TBL2: variants seen among roughly 807,000 people sequenced by gnomAD.
TBL2 encodes transducin beta-like protein 2.
A neutral mutation model predicts 41.8 loss-of-function variants in TBL2; 33 were observed. The observed-to-expected ratio is 0.79, with a 90% confidence interval of 0.60 to 1.06. TBL2 has a LOEUF of 1.06. TBL2 is among the 50% of genes least tolerant of loss of function. TBL2 has a pLI of 0.00. For missense variants in TBL2, 522 were observed against 603.8 expected (o/e 0.86, Z 1.42); for synonymous variants, 239 against 241.7 (o/e 0.99, Z 0.10).
Position 73,573,970 on chromosome 7 carries a change from G to A in TBL2, c.414C>T (p.His138=), listed in dbSNP as rs369863389. 2.5e-5 allele frequency: 40 copies of A among 1,613,868 alleles called. No homozygotes were observed. The highest frequency in any genetic ancestry group is 1.3e-4 in the African/African-American group (10 of 74,936). Residue 138 remains histidine, a synonymous_variant, in exon 3 of 7, where the codon CAC becomes CAT. Coordinates refer to ENST00000305632, the MANE Select transcript of TBL2 (RefSeq NM_012453.4). The part of the protein sequence containing the change: ...RSMRANVELD[H]ATLVRFSPDC... The stretch of plus-strand genomic sequence containing the variant: ...CAGGGCTGAAGCGCACCAGGGTGGC[G>A]TGGTCCAGCTCCACGTTGGCTCTCA...
At position 73,578,466 on chromosome 7, in the gene TBL2, C is replaced by T. The variant is rs782327430; in HGVS notation, c.84G>A (p.Ala28=). The change falls in exon 1 of 7, where the codon GCG becomes GCA. Residue 28 remains alanine, a synonymous_variant. Coordinates refer to ENST00000305632, the MANE Select transcript of TBL2 (RefSeq NM_012453.4). The stretch of plus-strand genomic sequence containing the variant: ...CCTCCCCCGCGCGCAGCCACCCCCG[C>T]GCTACCGCCGCCGTCGCCATCAGGG... ...LLALMATAAV[A]RGWLRAGEER... is the part of the protein sequence containing the mutation. The T allele has an allele frequency of 6.4e-7, 1 of 1,566,284 alleles. No individual in the cohort carries two copies. The highest frequency in any genetic ancestry group is 1.2e-5 in the South Asian group (1 of 85,828).
At position 73,578,364 on chromosome 7, in the gene TBL2, G is replaced by A. The variant is rs1793471496; in HGVS notation, c.130+56C>T. 6 of 1,527,130 alleles carry A rather than the reference G, an allele frequency of 3.9e-6. No homozygotes were observed. The South Asian group carries it at 4.9e-5, about 12-fold the overall frequency. The allele number at this position is 1,527,130 out of a possible 1,614,324, so 94.6% of individuals were successfully genotyped here. A position where few individuals can be genotyped will look rare whatever the true frequency, so the allele number is the denominator to read the frequency against. ...GCCCAAACCGCAGGTCGGACCACGAGGAGGCCGGGAGCCGGGACACCGCGG... is the reference window on the plus strand; with the variant it reads ...GCCCAAACCGCAGGTCGGACCACGAAGAGGCCGGGAGCCGGGACACCGCGG... On this transcript the variant is annotated intron_variant, in intron 1 of 6. Transcript: ENST00000305632.
At chr7:73,576,287 C>T (rs1219742149) in intron 1 of TBL2, among the ~76,000 whole-genome samples, 2 of 151,724 alleles carry the variant, frequency 1.3e-5, no homozygotes, top group Non-Finnish European at 2.9e-5. Flanking sequence ...CCCGCTTCGG[C>T]CTCCCAAAGT....
intron 5 of TBL2, among the ~76,000 whole-genome samples, chr7:73,572,503 C>A (rs1793021008): frequency 6.6e-6 from 1 of 152,188 alleles, no homozygotes; most frequent in Non-Finnish European, 1.5e-5. Context: ...TGCCTATAGT[C>A]CTGACTACTC....
At chr7:73,578,178 G>T in intron 1 of TBL2, 1 of 1,437,490 alleles carries the variant, frequency 7.0e-7, no homozygotes, top group South Asian at 1.3e-5. Context: ...GCCTGGCCTC[G>T]GCCACAGAGA....
rs115967804 is a variant in TBL2, at chr7:73,568,582, C to T, written c.*1925G>A. On this transcript the variant is annotated 3_prime_UTR_variant, in exon 7 of 7. Transcript: ENST00000305632. Reference sequence around the variant, plus strand: ...ACATTCATAGCATTTAGAGGGGGGACGAAGCCAGGTTACACAGGACCTTGC... The same window carrying T: ...ACATTCATAGCATTTAGAGGGGGGATGAAGCCAGGTTACACAGGACCTTGC... Among the ~76,000 whole-genome samples the T allele has an allele frequency of 6.7e-3, 1,018 of 152,142 alleles. 15 individuals carry two copies. The highest frequency in any genetic ancestry group is 0.023 in the African/African-American group (949 of 41,498).
chr7:73,573,257 G>C, intron 4 of TBL2, 63 bp downstream of exon 4: 1 of 1,593,944 alleles, frequency 6.3e-7, no homozygotes, highest in African/African-American at 1.3e-5. Context: ...AACTCATTGA[G>C]GAAATAGAAC....
At chr7:73,575,202 T>A (rs1458732219) in intron 1 of TBL2, among the ~76,000 whole-genome samples, 1 of 152,004 alleles carries the variant, frequency 6.6e-6, no homozygotes, top group Non-Finnish European at 1.5e-5. Flanking sequence ...CTCCGCTCAC[T>A]GTAGCCTCTG....
intron 5 of TBL2, chr7:73,571,759 C>CAA: frequency 1.8e-5 from 2 of 110,204 alleles, no homozygotes; most frequent in Non-Finnish European, 3.5e-5. Context: ...GAGACTGTCT[C>CAA]AGAAAAAAAA....
intron 1 of TBL2, chr7:73,576,751 C>T (rs782361656): frequency 2.2e-6 from 1 of 455,848 alleles, no homozygotes; most frequent in East Asian, 6.9e-5. Flanking sequence ...TCTCTCCAGG[C>T]ATGTCTAACA....
chr7:73,571,158 A>C (rs782774815), intron 6 of TBL2, 31 bp downstream of exon 6: 1 of 1,613,384 alleles, frequency 6.2e-7, no homozygotes, highest in Non-Finnish European at 8.5e-7. Context: ...GCCAAGAGCC[A>C]CTGGTCAGAC....
rs1792848796 is a variant in TBL2, at chr7:73,570,429, T to C, written c.*78A>G. The stretch of plus-strand genomic sequence containing the variant: ...AGACTCCTTCTGAAAGGCTTCCACC[T>C]GGGAGGAAAGATGGCAGCAGTGCCA... On this transcript the variant is annotated 3_prime_UTR_variant, in exon 7 of 7. Transcript: ENST00000305632. 7.0e-7 allele frequency: 1 copy of C among 1,431,232 alleles called. No individual in the cohort carries two copies. The highest frequency in any genetic ancestry group is 9.1e-7 in the Non-Finnish European group (1 of 1,097,002). 88.7% of individuals were successfully genotyped at this position (1,431,232 alleles called of 1,614,324 possible).
intron 1 of TBL2, chr7:73,578,139 A>G (rs1554589356): frequency 1.0e-6 from 1 of 996,604 alleles, no homozygotes; most frequent in African/African-American, 1.7e-5. Flanking sequence ...TGAAGAGTTT[A>G]CGGTGCTCTC....
chr7:73,578,060 A>G (rs1294073017), intron 1 of TBL2: 1 of 560,156 alleles, frequency 1.8e-6, no homozygotes, highest in Non-Finnish European at 3.1e-6. Context: ...AGGGTCATAG[A>G]TGCCCAGTAA....
chr7:73,573,014 C>A, intron 4 of TBL2, 44 bp from the exon 5 acceptor site: 1 of 1,612,270 alleles, frequency 6.2e-7, no homozygotes, highest in Non-Finnish European at 8.5e-7. Flanking sequence ...AGTGACCTGA[C>A]CAACTGTCAC....
At position 73,571,188 on chromosome 7, in the gene TBL2, C is replaced by A. The variant is rs1380395148; in HGVS notation, c.878+1G>T. The A allele has an allele frequency of 1.2e-6, 2 of 1,614,214 alleles. No individual in the cohort carries two copies. The highest frequency in any genetic ancestry group is 8.5e-7 in the Non-Finnish European group (1 of 1,180,026). The stretch of plus-strand genomic sequence containing the variant: ...TCAGACATCAGAGCGGATTCACTCA[C>A]CTCCGTGAGTCGTTGGAGAAAGCAA... On this transcript the variant is annotated splice_donor_variant, in intron 6 of 6. Transcript: ENST00000305632. LOFTEE classifies it high-confidence loss of function.
At chr7:73,574,652 A>G in intron 1 of TBL2, 139 bp from the exon 2 acceptor site, 2 of 1,221,760 alleles carry the variant, frequency 1.6e-6, no homozygotes, top group East Asian at 2.5e-5. Context: ...AATGAGTGTG[A>G]TATGGGCAAA....
intron 1 of TBL2, 104 bp from the exon 2 acceptor site, chr7:73,574,617 A>G (rs550750867): frequency 5.9e-6 from 9 of 1,519,494 alleles, no homozygotes; most frequent in Admixed American, 3.5e-5. Context: ...GATTAACCAG[A>G]TATGGCCCTT....
rs782119384 is a variant in TBL2, at chr7:73,570,926, C to T, written c.925G>A (p.Asp309Asn). 1.2e-6 allele frequency: 2 copies of T among 1,612,770 alleles called. No homozygotes were observed. The highest frequency in any genetic ancestry group is 8.5e-7 in the Non-Finnish European group (1 of 1,179,390). Residue 309 changes from aspartate to asparagine, a missense_variant, in exon 7 of 7, where the codon GAT becomes AAT. Physicochemically the swap from Asp to Asn is conservative, Grantham distance 23. Coordinates refer to ENST00000305632, the MANE Select transcript of TBL2 (RefSeq NM_012453.4). ...KDGTWKLWDT[D>N]VEYKKKQDPY... ...TCCTGCTTCTTCTTGTATTCCACAT[C>T]TGTGTCCCACAGTTTCCATGTACCA...
Sources: gnomAD v4.1 joint callset for allele counts (sites outside exome capture counted in the v4.1 genomes callset) on GRCh38, gnomAD v4.1.1 for gene constraint, MANE v1.5 for transcripts, NCBI Gene and HGNC (gene_info 2026-07-23, HGNC 2026-07-21) for gene names.